TLN2: variants seen among roughly 807,000 people sequenced by gnomAD.
TLN2 encodes the protein talin 2.
A neutral mutation model predicts 294.7 loss-of-function variants in TLN2; 118 were observed. The ratio of observed to expected loss-of-function variants is 0.40; its 90% CI spans 0.34 to 0.47. The LOEUF (loss-of-function observed/expected upper bound fraction) is 0.47. TLN2 is among the 20% of genes least tolerant of loss of function. The probability of loss-of-function intolerance (pLI) is 0.84; values close to 1 mark genes in which losing one functional copy is unlikely to be tolerated. For missense variants in TLN2, 3,083 were observed against 3,282.2 expected (o/e 0.94, Z 1.48); for synonymous variants, 1,431 against 1,304.5 (o/e 1.10, Z -2.09).
chr15:62,570,977 C>T (rs1331622321), intron 1 of TLN2, among the ~76,000 whole-genome samples: 10 of 151,360 alleles, frequency 6.6e-5, no homozygotes, highest in Admixed American at 6.6e-4. Flanking sequence ...CCTTAACCTT[C>T]ACACTTACTT....
intron 1 of TLN2, among the ~76,000 whole-genome samples, chr15:62,581,529 AAG>A (rs1355854812): frequency 1.3e-5 from 2 of 152,174 alleles, no homozygotes; most frequent in African/African-American, 4.8e-5. Flanking sequence ...GTTGGAATGA[AAG>A]AGAATAAGAG....
At chr15:62,699,262 G>C (rs1389305814) in intron 16 of TLN2, among the ~76,000 whole-genome samples, 1 of 152,164 alleles carries the variant, frequency 6.6e-6, no homozygotes, top group African/African-American at 2.4e-5. Context: ...CTCGCACATA[G>C]TAAGAGCTCA....
chr15:62,807,191 T>C (rs967194070), intron 51 of TLN2, among the ~76,000 whole-genome samples: 11 of 152,140 alleles, frequency 7.2e-5, no homozygotes, highest in Non-Finnish European at 1.3e-4. Context: ...GGAGTCCACC[T>C]ACCATAAGAG....
intron 1 of TLN2, among the ~76,000 whole-genome samples, chr15:62,407,021 G>C (rs2033450381): frequency 6.6e-6 from 1 of 152,102 alleles, no homozygotes; most frequent in Non-Finnish European, 1.5e-5. Flanking sequence ...TTCTGTCTCA[G>C]AATCTGCATC....
At chr15:62,571,704 T>G (rs904094688) in intron 1 of TLN2, among the ~76,000 whole-genome samples, 11 of 152,230 alleles carry the variant, frequency 7.2e-5, no homozygotes, top group African/African-American at 2.2e-4. Flanking sequence ...CATCTTGTTT[T>G]TTCTAGAGTC....
chr15:62,457,890 G>A (rs933494817), intron 1 of TLN2, among the ~76,000 whole-genome samples: 2 of 152,136 alleles, frequency 1.3e-5, no homozygotes, highest in Non-Finnish European at 2.9e-5. Flanking sequence ...GATTCCTACG[G>A]GTTTTCCTTT....
chr15:62,487,682 C>T (rs1425699049), intron 1 of TLN2, among the ~76,000 whole-genome samples: 1 of 151,450 alleles, frequency 6.6e-6, no homozygotes, highest in Non-Finnish European at 1.5e-5. Context: ...AAAATAAAAA[C>T]GACACTTTGG....
chr15:62,800,343 A>T (rs1205597518), intron 48 of TLN2, 25 bp from the exon 49 acceptor site: 2 of 1,610,076 alleles, frequency 1.2e-6, no homozygotes, highest in East Asian at 2.2e-5. Flanking sequence ...ACGCCTGCTC[A>T]CCTGAGTTCT....
intron 1 of TLN2, among the ~76,000 whole-genome samples, chr15:62,446,471 A>G (rs887847379): frequency 6.6e-6 from 1 of 152,156 alleles, no homozygotes; most frequent in Admixed American, 6.5e-5. Flanking sequence ...TACCTGCTGG[A>G]AAACCAGCTG....
intron 1 of TLN2, among the ~76,000 whole-genome samples, chr15:62,489,199 C>G (rs1422902206): frequency 6.6e-6 from 1 of 152,118 alleles, no homozygotes; most frequent in African/African-American, 2.4e-5. Context: ...GAATGCACAA[C>G]TCCATGAATG....
At chr15:62,691,604 G>A (rs4583190) in intron 12 of TLN2, among the ~76,000 whole-genome samples, 144,051 of 152,268 alleles carry the variant, frequency 0.95, 68,589 homozygotes, top group Non-Finnish European at 1. Flanking sequence ...TTGATGATCT[G>A]TCATTCATAT....
At chr15:62,503,658 A>AT (rs1256271680) in intron 1 of TLN2, among the ~76,000 whole-genome samples, 1 of 152,228 alleles carries the variant, frequency 6.6e-6, no homozygotes, top group Admixed American at 6.5e-5. Context: ...GACCTCCTGC[A>AT]GTATGCTTGC....
intron 1 of TLN2, among the ~76,000 whole-genome samples, chr15:62,471,338 C>G (rs1191680158): frequency 6.6e-6 from 1 of 152,164 alleles, no homozygotes; most frequent in Non-Finnish European, 1.5e-5. Context: ...GAACGTGATC[C>G]TTCCTCAAAA....
At chr15:62,801,664 G>T (rs977097714) in intron 50 of TLN2, among the ~76,000 whole-genome samples, 1 of 152,130 alleles carries the variant, frequency 6.6e-6, no homozygotes, top group African/African-American at 2.4e-5. Context: ...TTGATGTTGC[G>T]CTCAGTTCAT....
chr15:62,532,576 C>T (rs561202476), intron 1 of TLN2, among the ~76,000 whole-genome samples: 1 of 152,226 alleles, frequency 6.6e-6, no homozygotes, highest in East Asian at 1.9e-4. Context: ...CAGAACAGTC[C>T]CTGCAATACC....
intron 47 of TLN2, among the ~76,000 whole-genome samples, chr15:62,796,607 G>C (rs138045067): frequency 3.9e-3 from 590 of 152,286 alleles, no homozygotes; most frequent in Non-Finnish European, 5.2e-3. Context: ...AGCAGGATTG[G>C]GAATGGCAGG....
chr15:62,538,542 G>C (rs1238892838), intron 1 of TLN2, among the ~76,000 whole-genome samples: 6 of 152,176 alleles, frequency 3.9e-5, no homozygotes, highest in Admixed American at 6.5e-5. Flanking sequence ...GGTACATATA[G>C]CAACAAATTC....
At chr15:62,448,574 A>G (rs564501370) in intron 1 of TLN2, among the ~76,000 whole-genome samples, 102 of 152,358 alleles carry the variant, frequency 6.7e-4, no homozygotes, top group African/African-American at 2.3e-3. Context: ...TGTAAGGGCG[A>G]GAACACTTGA....
chr15:62,522,374 T>G (rs977018239), intron 1 of TLN2, among the ~76,000 whole-genome samples: 3 of 152,194 alleles, frequency 2.0e-5, no homozygotes, highest in Non-Finnish European at 4.4e-5. Context: ...GTTTCTACAC[T>G]TCATCCAGGA....
Sources: gnomAD v4.1 joint callset for allele counts (sites outside exome capture counted in the v4.1 genomes callset) on GRCh38, gnomAD v4.1.1 for gene constraint, MANE v1.5 for transcripts, NCBI Gene and HGNC (gene_info 2026-07-23, HGNC 2026-07-21) for gene names.